Variants in FXYD5 observed in about 807,000 individuals in gnomAD.
FXYD5 encodes FXYD domain-containing ion transport regulator 5.
A neutral mutation model predicts 25.7 loss-of-function variants in FXYD5; 21 were observed. The observed-to-expected ratio is 0.82, with a 90% CI of 0.58 to 1.18. FXYD5 has a LOEUF of 1.18. Ranked by LOEUF, FXYD5 falls within the 50% of genes most tolerant of loss-of-function variation. The pLI is 0.00. For missense variants in FXYD5, 229 were observed against 227.7 expected (o/e 1.01, Z -0.04); for synonymous variants, 101 against 90.7 (o/e 1.11, Z -0.64).
At chr19:35,161,221 A>AACACACACACACACACACACACACACAC (rs147168736) in intron 5 of FXYD5, among the ~76,000 whole-genome samples, 6 of 38,202 alleles carry the variant, frequency 1.6e-4, no homozygotes, top group African/African-American at 3.4e-4. Context: ...ATTCACCTTA[A>AACACACACACACACACACACACACACAC]ACACACACAC....
At chr19:35,159,184 A>C (rs1023308732) in intron 4 of FXYD5, among the ~76,000 whole-genome samples, 1 of 152,020 alleles carries the variant, frequency 6.6e-6, no homozygotes, top group Non-Finnish European at 1.5e-5. Context: ...ACACAGTAGT[A>C]CAAAAACACA....
At chr19:35,158,477 T>C in intron 4 of FXYD5, 77 bp downstream of exon 4, 1 of 902,324 alleles carries the variant, frequency 1.1e-6, no homozygotes, top group Non-Finnish European at 1.9e-6. Context: ...ACACTATAGG[T>C]CTTTGGTTGC....
chr19:35,163,386 C>G (rs1319517537), intron 5 of FXYD5, among the ~76,000 whole-genome samples: 1 of 145,854 alleles, frequency 6.9e-6, no homozygotes, highest in East Asian at 2.0e-4. Flanking sequence ...TGGGGGAGGC[C>G]TTTTCTTTGG....
At chr19:35,160,041 T>C in intron 4 of FXYD5, 1 of 170,630 alleles carries the variant, frequency 5.9e-6, no homozygotes, top group East Asian at 1.8e-4. Context: ...ACCTATTCTC[T>C]ACAAAAAGTA....
chr19:35,168,927 G>C (rs1403218204), intron 8 of FXYD5, among the ~76,000 whole-genome samples: 1 of 152,128 alleles, frequency 6.6e-6, no homozygotes, highest in African/African-American at 2.4e-5. Flanking sequence ...GCTGGGCTTG[G>C]TGGCACATGC....
At chr19:35,169,514 T>A in intron 8 of FXYD5, 52 bp from the exon 9 acceptor site, 1 of 1,366,522 alleles carries the variant, frequency 7.3e-7, no homozygotes, top group African/African-American at 1.4e-5. Flanking sequence ...CAACACACGA[T>A]AAGAATCAAT....
chr19:35,158,915 T>G (rs2065380985), intron 4 of FXYD5, among the ~76,000 whole-genome samples: 1 of 152,034 alleles, frequency 6.6e-6, no homozygotes, highest in Admixed American at 6.6e-5. Context: ...TCACTTGAGC[T>G]CAGGAGTTCT....
intron 1 of FXYD5, 179 bp from the exon 2 acceptor site, chr19:35,155,371 TG>T (rs1435420003): frequency 1.7e-6 from 1 of 601,668 alleles, no homozygotes; most frequent in African/African-American, 1.9e-5. Flanking sequence ...GGTGACGGTT[TG>T]GTATCCCCAC....
intron 5 of FXYD5, among the ~76,000 whole-genome samples, chr19:35,161,047 G>A (rs1021660850): frequency 2.0e-5 from 3 of 152,194 alleles, no homozygotes; most frequent in African/African-American, 4.8e-5. Flanking sequence ...TCCCCAAGGG[G>A]CAGCGTGCAG....
intron 5 of FXYD5, 62 bp downstream of exon 5, chr19:35,160,863 C>A: frequency 1.0e-6 from 1 of 980,866 alleles, no homozygotes. Context: ...TCTAGGTCAA[C>A]ATTTCCCTCA....
chr19:35,163,987 G>A (rs948752794), intron 5 of FXYD5, 169 bp from the exon 6 acceptor site: 1 of 1,481,556 alleles, frequency 6.7e-7, no homozygotes, highest in African/African-American at 1.4e-5. Flanking sequence ...TTCAATGCCT[G>A]TCATTACTTA....
intron 2 of FXYD5, 29 bp downstream of exon 2, chr19:35,155,640 C>T (rs1241213739): frequency 3.3e-6 from 5 of 1,516,822 alleles, no homozygotes; most frequent in East Asian, 2.2e-5. Flanking sequence ...CTCCACCCTG[C>T]CCCAGAGCCC....
chr19:35,161,005 G>A (rs1423482890), intron 5 of FXYD5, among the ~76,000 whole-genome samples: 2 of 152,188 alleles, frequency 1.3e-5, no homozygotes, highest in Non-Finnish European at 2.9e-5. Flanking sequence ...GGACTTCTGA[G>A]AGTCTTCATT....
Position 35,157,502 on chromosome 19 carries a change from G to A in FXYD5, c.142+1G>A. On this transcript the variant is annotated splice_donor_variant, in intron 3 of 8. Coordinates refer to ENST00000392219, the MANE Select transcript of FXYD5 (RefSeq NM_014164.6). LOFTEE classifies it high-confidence loss of function. ...ATTCAGGTCCCGACACGAGCCCCAG[G>A]TGAGGAAAGGGACACATCTATCAAG... 1 of 1,452,316 alleles carries A rather than the reference G, an allele frequency of 6.9e-7. No homozygotes were observed. Among genetic ancestry groups the A allele is most frequent in the African/African-American group, 1.4e-5 (1 of 71,790 alleles). 90.0% of individuals were successfully genotyped at this position (1,452,316 alleles called of 1,614,324 possible).
intron 5 of FXYD5, among the ~76,000 whole-genome samples, chr19:35,161,322 G>A (rs1001490577): frequency 4.0e-5 from 6 of 151,518 alleles, no homozygotes; most frequent in Non-Finnish European, 7.4e-5. Context: ...ATCAAGGCGA[G>A]TAAGCACTGT....
intron 5 of FXYD5, 132 bp from the exon 6 acceptor site, chr19:35,164,023 GA>G (rs1347974386): frequency 6.5e-7 from 1 of 1,536,570 alleles, no homozygotes; most frequent in East Asian, 2.4e-5. Flanking sequence ...GAGTAGGGGG[GA>G]TGCCTGACCC....
chr19:35,159,661 T>A, intron 4 of FXYD5: 1 of 1,541,060 alleles, frequency 6.5e-7, no homozygotes, highest in South Asian at 1.2e-5. Context: ...GTACTGACTA[T>A]GTGCTGGTCA....
At chr19:35,158,424 CG>C in intron 4 of FXYD5, 24 bp downstream of exon 4, 1 of 1,421,860 alleles carries the variant, frequency 7.0e-7, no homozygotes, top group Non-Finnish European at 9.9e-7. Flanking sequence ...GGGCAGGCGG[CG>C]GGGACAGGAC....
intron 4 of FXYD5, chr19:35,159,585 G>A: frequency 6.4e-7 from 1 of 1,550,532 alleles, no homozygotes; most frequent in Non-Finnish European, 8.7e-7. Context: ...AGCTTTTTCT[G>A]TCTACACACA....
Sources: allele counts gnomAD v4.1 joint callset (sites outside exome capture counted in the v4.1 genomes callset), GRCh38; gene constraint gnomAD v4.1.1; transcripts MANE v1.5; gene names NCBI Gene and HGNC (gene_info 2026-07-23, HGNC 2026-07-21).